FANCA: variants seen among roughly 807,000 people sequenced by gnomAD.
The protein encoded by FANCA is FA complementation group A.
A neutral mutation model predicts 194.3 loss-of-function variants in FANCA; 236 were observed. That is an observed-to-expected ratio of 1.21 (90% CI 1.09 to 1.35). FANCA has a LOEUF of 1.35. FANCA is among the 40% of genes most tolerant of loss of function. FANCA has a pLI of 0.00. For synonymous variants in FANCA, 1,014 were observed against 715.8 expected, an observed-to-expected ratio of 1.42 and a Z score of -6.65; for missense variants, 2,628 against 1,813.9, an observed-to-expected ratio of 1.45 and a Z score of -8.15.
At chr16:89,802,730 C>A (rs2040499511) in intron 8 of FANCA, among the ~76,000 whole-genome samples, 1 of 152,106 alleles carries the variant, frequency 6.6e-6, no homozygotes, top group Non-Finnish European at 1.5e-5. Context: ...AAAGTGAAAT[C>A]CTGTCATTCA....
Position 89,775,749 on chromosome 16 carries a change from C to T in FANCA, c.1893G>A (p.Lys631=). Residue 631 remains lysine (K), a synonymous_variant, in exon 21 of 43, where the codon AAG becomes AAA. Transcript: ENST00000389301. ...YCQACSAAEE[K]PEDAALGVRA... ...AGCGGCCCAGGAACTTACCTTCTGGCTTCTCTTCAGCAGCAGAGCAGGCCT... is the reference window on the plus strand; with the variant it reads ...AGCGGCCCAGGAACTTACCTTCTGGTTTCTCTTCAGCAGCAGAGCAGGCCT... 1 of 1,611,826 alleles carries T rather than the reference C, an allele frequency of 6.2e-7. No homozygotes were observed. Among genetic ancestry groups the T allele is most frequent in the Non-Finnish European group, 8.5e-7 (1 of 1,178,936 alleles).
intron 2 of FANCA, 61 bp from the exon 3 acceptor site, chr16:89,814,674 G>A: frequency 8.3e-7 from 1 of 1,207,546 alleles, no homozygotes; most frequent in Non-Finnish European, 1.2e-6. Flanking sequence ...CAGGCGTAGT[G>A]GCTCACGCCT....
intron 30 of FANCA, among the ~76,000 whole-genome samples, chr16:89,752,938 G>C (rs998399252): frequency 6.6e-6 from 1 of 152,158 alleles, no homozygotes; most frequent in Non-Finnish European, 1.5e-5. Context: ...ACCTCTTGTG[G>C]AGGGCCTGAC....
rs749693062 is a variant in FANCA at position 89,816,502 on chromosome 16, G to A, written c.79+35C>T. 424 of 1,464,006 alleles carry A rather than the reference G, an allele frequency of 2.9e-4. 4 individuals carry two copies. In the African/African-American group the frequency reaches 4.9e-3, roughly 17 times the overall value. 90.7% of individuals were successfully genotyped at this position (1,464,006 alleles called of 1,614,324 possible). A position where few individuals can be genotyped will look rare whatever the true frequency, so the allele number is the denominator to read the frequency against. Reference sequence around the variant, plus strand: ...CCGGCGAAACCGTCCCGGGCCGGACGCCGCCCACTCCCGCGGCCTGCCGCG... The same window carrying A: ...CCGGCGAAACCGTCCCGGGCCGGACACCGCCCACTCCCGCGGCCTGCCGCG... On this transcript the variant is annotated intron_variant, in intron 1 of 42. Coordinates refer to ENST00000389301, the MANE Select transcript of FANCA (RefSeq NM_000135.4).
rs143083764 is a variant in FANCA, at chr16:89,784,865, G to C, written c.1459C>G (p.Arg487Gly). 15 of 1,612,484 alleles carry C rather than the reference G, an allele frequency of 9.3e-6. No homozygotes were observed. Among genetic ancestry groups the C allele is most frequent in the African/African-American group, 1.3e-5 (1 of 74,896 alleles). Reference sequence around the variant, plus strand: ...AGCCAGCTTCTCACCTGCAGGTACCGGGGAGACTCAAAAGGCACGAGTTCT... The same window carrying C: ...AGCCAGCTTCTCACCTGCAGGTACCCGGGAGACTCAAAAGGCACGAGTTCT... ...LSELVPFESP[R>G]YLQVHILHPP... The change falls in exon 15 of 43, where the codon CGG becomes GGG. Residue 487 changes from arginine to glycine, a missense_variant. By Grantham distance (125) the Arg-to-Gly change is moderately radical (BLOSUM62 -2). Coordinates refer to ENST00000389301, the MANE Select transcript of FANCA (RefSeq NM_000135.4).
Position 89,771,686 on chromosome 16 carries a change from C to T in FANCA, c.2143G>A (p.Glu715Lys), listed in dbSNP as rs781436006. The T allele has an allele frequency of 1.9e-6, 3 of 1,614,146 alleles. No individual in the cohort carries two copies. Among genetic ancestry groups the T allele is most frequent in the Non-Finnish European group, 2.5e-6 (3 of 1,180,012 alleles). Reference protein sequence around the residue: ...SINTPRLEPREHMAVDLLLTS... With the variant: ...SINTPRLEPRKHMAVDLLLTS... ...TGAGCCCCTACACCTACCATGTGTT[C>T]CCGTGGCTCCAGTCTCGGCGTGTTG... is the stretch of plus-strand genomic sequence containing the variant. The change falls in exon 23 of 43, where the codon GAA becomes AAA. Residue 715 changes from glutamate (E) to lysine (K), a missense_variant. Physicochemically the swap from Glu to Lys is moderately conservative, Grantham distance 56. Transcript: ENST00000389301.
At position 89,808,350 on chromosome 16, in the gene FANCA, T is replaced by C; in HGVS notation, c.540A>G (p.Glu180=). 1.2e-6 allele frequency: 2 copies of C among 1,614,074 alleles called. No individual in the cohort carries two copies. Among genetic ancestry groups the C allele is most frequent in the African/African-American group, 1.3e-5 (1 of 74,984 alleles). The change falls in exon 6 of 43, where the codon GAA becomes GAG. Residue 180 remains glutamate (E), a synonymous_variant. Transcript: ENST00000389301. ...LWKIQSSLLL[E]AVWHLHVQGI... ...CTTGTACGTGAAGATGCCACACCGCTTCAAGCAACAAAGAACTCTGAAAAA... is the reference window on the plus strand; with the variant it reads ...CTTGTACGTGAAGATGCCACACCGCCTCAAGCAACAAAGAACTCTGAAAAA...
intron 11 of FANCA, 29 bp downstream of exon 11, chr16:89,795,877 C>A (rs1466793991): frequency 6.5e-7 from 1 of 1,540,402 alleles, no homozygotes; most frequent in Non-Finnish European, 9.0e-7. Flanking sequence ...AAATGGGTAG[C>A]AACTGAGCAG....
chr16:89,739,512 G>A lies in FANCA; in HGVS notation c.3976C>T (p.Gln1326Ter). The A allele has an allele frequency of 6.4e-7, 1 of 1,551,410 alleles. No homozygotes were observed. The highest frequency in any genetic ancestry group is 8.7e-7 in the Non-Finnish European group (1 of 1,147,142). ...GRLLLRVAPD[Q>*]HTRLLPFAFY... ...GCGAAAGGCAGCAGCCTGGTGTGCT[G>A]ATCCGGGGCCACACGGAGGAGGAGC... Residue 1326 changes from glutamine (Q) to a stop codon, truncating the protein, a stop_gained, in exon 40 of 43, where the codon CAG becomes TAG. Transcript: ENST00000389301. LOFTEE classifies it high-confidence loss of function.
chr16:89,745,984 T>C lies in FANCA; in HGVS notation c.3513+600A>G, dbSNP rs954671378. Among the ~76,000 whole-genome samples, 15 of 152,290 alleles carry C rather than the reference T, an allele frequency of 9.8e-5. 1 individual carries two copies. Among genetic ancestry groups the C allele is most frequent in the East Asian group, 9.6e-4 (5 of 5,182 alleles). On this transcript the variant is annotated intron_variant, in intron 35 of 42. Transcript: ENST00000389301. ...GAGCTCCCTGGGGAACATGCCGTGC[T>C]GCGGAGAAAAAGGCCCTCCTGTCCC...
rs1377350562 is a variant in FANCA at position 89,799,152 on chromosome 16, C to A, written c.893+14G>T. ...CCTGCTGCACACTCAGGCAGGCCAC[C>A]CTCAGGAACATACCAGCACCTCACG... On this transcript the variant is annotated intron_variant, in intron 10 of 42. Coordinates refer to ENST00000389301, the MANE Select transcript of FANCA (RefSeq NM_000135.4). 1.2e-6 allele frequency: 2 copies of A among 1,614,162 alleles called. No individual in the cohort carries two copies. The highest frequency in any genetic ancestry group is 1.7e-6 in the Non-Finnish European group (2 of 1,180,038).
chr16:89,791,326 G>A (rs1329361987), intron 14 of FANCA, 77 bp downstream of exon 14: 2 of 1,565,142 alleles, frequency 1.3e-6, no homozygotes, highest in African/African-American at 1.4e-5. Flanking sequence ...AGAGAATCAG[G>A]TGGGGACAGC....
intron 5 of FANCA, among the ~76,000 whole-genome samples, chr16:89,808,660 A>G (rs540730270): frequency 1.3e-5 from 2 of 152,122 alleles, no homozygotes; most frequent in East Asian, 3.9e-4. Context: ...TCTCCACACT[A>G]CAGCCAACAC....
intron 6 of FANCA, among the ~76,000 whole-genome samples, chr16:89,806,796 AC>A (rs2040666407): frequency 6.6e-6 from 1 of 151,918 alleles, no homozygotes; most frequent in African/African-American, 2.4e-5. Flanking sequence ...TCTTTTCCCC[AC>A]CCTTCCCCCC....
At position 89,773,352 on chromosome 16, in the gene FANCA, A is replaced by G; in HGVS notation, c.1933T>C (p.Ser645Pro). The G allele has an allele frequency of 6.4e-7, 1 of 1,551,616 alleles. No homozygotes were observed. The highest frequency in any genetic ancestry group is 8.7e-7 in the Non-Finnish European group (1 of 1,146,964). The change falls in exon 22 of 43, where the codon TCT (serine) becomes CCT (proline). Residue 645 changes from serine to proline, a missense_variant. Ser to Pro is a moderately conservative substitution (Grantham distance 74). Transcript: ENST00000389301. ...AGCTGTCCCAGGGGCTCCTCAGCAG[A>G]GTTGGGTTCTGCCCTCACTCCCAGG... is the stretch of plus-strand genomic sequence containing the variant. ...AALGVRAEPN[S>P]AEEPLGQLTA...
At chr16:89,739,397 C>T in intron 40 of FANCA, 81 bp downstream of exon 40, 1 of 1,570,672 alleles carries the variant, frequency 6.4e-7, no homozygotes, top group Non-Finnish European at 8.7e-7. Context: ...CAACCCTTCC[C>T]ATCTGGCGGG....
rs774863156 is a variant in FANCA, at chr16:89,765,006, C to T, written c.2662G>A (p.Val888Ile). Residue 888 changes from valine to isoleucine, a missense_variant, in exon 28 of 43, where the codon GTA becomes ATA. Transcript: ENST00000389301. ...AAGGGTCTCCAGGAAAGGCTGGCTA[C>T]GTCCTCCTCAGAAAGAGGCTGTCGG... ...EARQPLSEED[V>I]ASLSWRPLHL... 1.4e-5 allele frequency: 22 copies of T among 1,614,130 alleles called. No homozygotes were observed. The highest frequency in any genetic ancestry group is 1.2e-4 in the African/African-American group (9 of 74,948).
intron 30 of FANCA, among the ~76,000 whole-genome samples, chr16:89,754,091 G>A (rs1011964494): frequency 1.3e-5 from 2 of 151,786 alleles, no homozygotes; most frequent in East Asian, 1.9e-4. Context: ...GCATGGTGGC[G>A]GGTGCCTGTA....
At chr16:89,758,308 G>A (rs1567609553) in intron 30 of FANCA, among the ~76,000 whole-genome samples, 2 of 152,210 alleles carry the variant, frequency 1.3e-5, no homozygotes, top group East Asian at 3.8e-4. Flanking sequence ...TGCATTCTTA[G>A]AACTACCATG....
Sources: gnomAD v4.1 joint callset for allele counts (sites outside exome capture counted in the v4.1 genomes callset) on GRCh38, gnomAD v4.1.1 for gene constraint, MANE v1.5 for transcripts, NCBI Gene and HGNC (gene_info 2026-07-23, HGNC 2026-07-21) for gene names.